Variants in PAM observed in about 807,000 individuals in gnomAD.
The protein encoded by PAM is peptidyl-glycine alpha-amidating monooxygenase.
Under a neutral mutation model 122.1 loss-of-function variants are expected in PAM, and 72 were observed. The observed-to-expected ratio is 0.59, with a 90% confidence interval of 0.49 to 0.72. PAM has a LOEUF of 0.72. Ranked by LOEUF, PAM falls within the 30% of genes least tolerant of loss-of-function variation. PAM has a pLI of 0.00. For missense variants in PAM, 1,106 were observed against 1,183.7 expected (o/e 0.93, Z 0.96); for synonymous variants, 389 against 404.4 (o/e 0.96, Z 0.46).
intron 3 of PAM, 125 bp from the exon 4 acceptor site, chr5:102,901,231 C>T: frequency 1.7e-6 from 1 of 602,760 alleles, no homozygotes; most frequent in Non-Finnish European, 3.0e-6. Flanking sequence ...TGCCACTCAG[C>T]CCTCAGAAGG....
chr5:102,804,859 C>T (rs1022756590), intron 1 of PAM, among the ~76,000 whole-genome samples: 3 of 152,178 alleles, frequency 2.0e-5, no homozygotes, highest in Non-Finnish European at 4.4e-5. Flanking sequence ...CTTTAACCCT[C>T]ATTTGCTTCT....
At chr5:102,841,711 C>G (rs1156629054) in intron 1 of PAM, among the ~76,000 whole-genome samples, 1 of 152,130 alleles carries the variant, frequency 6.6e-6, no homozygotes, top group Non-Finnish European at 1.5e-5. Flanking sequence ...CAAAATCTCA[C>G]TAAGACTTTT....
At chr5:102,798,343 T>C (rs1763884912) in intron 1 of PAM, among the ~76,000 whole-genome samples, 1 of 152,206 alleles carries the variant, frequency 6.6e-6, no homozygotes, top group Non-Finnish European at 1.5e-5. Flanking sequence ...GGGAGGAATA[T>C]TGTTTGTGAG....
At position 102,925,015 on chromosome 5, in the gene PAM, A is replaced by G. The variant is rs750886218; in HGVS notation, c.415A>G (p.Asn139Asp). Residue 139 changes from asparagine to aspartate, a missense_variant, in exon 6 of 26, where the codon AAT becomes GAT. By Grantham distance (23) the Asn-to-Asp change is conservative (BLOSUM62 1). Transcript: ENST00000438793. ...KANILYAWAR[N>D]APPTRLPKGV... ...CAATATTCTGTATGCCTGGGCGAGA[A>G]ATGCTCCCCCTACCCGGCTCCCCAA... is the stretch of plus-strand genomic sequence containing the variant. 1 of 1,589,012 alleles carries G rather than the reference A, an allele frequency of 6.3e-7. No homozygotes were observed. Among genetic ancestry groups the G allele is most frequent in the South Asian group, 1.1e-5 (1 of 90,574 alleles).
intron 1 of PAM, among the ~76,000 whole-genome samples, chr5:102,832,049 C>T (rs1393592298): frequency 1.3e-5 from 2 of 151,914 alleles, no homozygotes; most frequent in Non-Finnish European, 2.9e-5. Context: ...AGAGCCGTTC[C>T]CTTCATTATA....
intron 3 of PAM, among the ~76,000 whole-genome samples, chr5:102,894,728 C>T (rs886991482): frequency 2.0e-5 from 3 of 151,754 alleles, no homozygotes; most frequent in East Asian, 2.0e-4. Flanking sequence ...CCTGGTCATC[C>T]GTGTTTTATG....
At chr5:102,801,355 G>A (rs1264637225) in intron 1 of PAM, among the ~76,000 whole-genome samples, 1 of 152,188 alleles carries the variant, frequency 6.6e-6, no homozygotes, top group Non-Finnish European at 1.5e-5. Flanking sequence ...GATTATAGGG[G>A]AGTAATTATT....
At chr5:102,822,136 A>G (rs1772151074) in intron 1 of PAM, among the ~76,000 whole-genome samples, 1 of 152,154 alleles carries the variant, frequency 6.6e-6, no homozygotes, top group Non-Finnish European at 1.5e-5. Context: ...GCAGATAAAA[A>G]CCAAATAATA....
intron 1 of PAM, among the ~76,000 whole-genome samples, chr5:102,863,782 A>C (rs562725800): frequency 2.0e-5 from 3 of 151,372 alleles, no homozygotes; most frequent in African/African-American, 7.2e-5. Flanking sequence ...AAATAGGTGG[A>C]CATGTTTTTT....
chr5:102,777,462 C>A (rs1757466913), intron 1 of PAM, among the ~76,000 whole-genome samples: 1 of 151,970 alleles, frequency 6.6e-6, no homozygotes, highest in East Asian at 1.9e-4. Flanking sequence ...CTGGGACATA[C>A]CAGGTGCTCT....
At chr5:102,979,189 T>A (rs1768879373) in intron 15 of PAM, among the ~76,000 whole-genome samples, 1 of 152,166 alleles carries the variant, frequency 6.6e-6, no homozygotes, top group Non-Finnish European at 1.5e-5. Context: ...CATGGTTTCC[T>A]GATTAGTATT....
At chr5:102,955,632 A>G (rs761420118) in intron 12 of PAM, among the ~76,000 whole-genome samples, 3 of 152,104 alleles carry the variant, frequency 2.0e-5, no homozygotes, top group Non-Finnish European at 4.4e-5. Context: ...AGAAGATGAA[A>G]TAAATGCACT....
chr5:102,759,355 G>A (rs182008430), intron 1 of PAM, among the ~76,000 whole-genome samples: 27 of 152,210 alleles, frequency 1.8e-4, no homozygotes, highest in Admixed American at 1.1e-3. Flanking sequence ...GAGACCAAAG[G>A]GAGCATGATG....
intron 23 of PAM, among the ~76,000 whole-genome samples, chr5:103,021,928 A>G (rs1582997810): frequency 6.6e-6 from 1 of 152,136 alleles, no homozygotes; most frequent in African/African-American, 2.4e-5. Flanking sequence ...GAATGGTCAT[A>G]TAACTAATTA....
intron 15 of PAM, among the ~76,000 whole-genome samples, chr5:102,980,844 A>G (rs1052871556): frequency 2.6e-4 from 39 of 152,216 alleles, no homozygotes; most frequent in Admixed American, 2.2e-3. Flanking sequence ...GTGTGCAAAG[A>G]CAATTTAAAA....
At chr5:102,827,165 C>T (rs1406784737) in intron 1 of PAM, among the ~76,000 whole-genome samples, 1 of 152,322 alleles carries the variant, frequency 6.6e-6, no homozygotes, top group South Asian at 2.1e-4. Flanking sequence ...CCTGGATGGA[C>T]AATATGCATT....
intron 17 of PAM, 103 bp from the exon 18 acceptor site, chr5:103,005,051 A>G: frequency 1.5e-6 from 1 of 675,360 alleles, no homozygotes; most frequent in South Asian, 1.8e-5. Context: ...TACATTTATC[A>G]ATTTATAACT....
At chr5:102,919,095 G>A (rs1397722330) in intron 5 of PAM, among the ~76,000 whole-genome samples, 1 of 151,938 alleles carries the variant, frequency 6.6e-6, no homozygotes, top group African/African-American at 2.4e-5. Flanking sequence ...TTCTAACTGG[G>A]AATCATTCTC....
At chr5:102,908,067 T>C (rs1248125178) in intron 4 of PAM, among the ~76,000 whole-genome samples, 1 of 152,172 alleles carries the variant, frequency 6.6e-6, no homozygotes, top group Non-Finnish European at 1.5e-5. Flanking sequence ...TCCTGAATGA[T>C]ATTGCCTAGG....
Sources: gnomAD v4.1 joint callset for allele counts (sites outside exome capture counted in the v4.1 genomes callset) on GRCh38, gnomAD v4.1.1 for gene constraint, MANE v1.5 for transcripts, NCBI Gene and HGNC (gene_info 2026-07-23, HGNC 2026-07-21) for gene names.